Variants in USP38 observed in about 807,000 individuals in gnomAD.
USP38 encodes the protein ubiquitin specific peptidase 38.
Under a neutral mutation model 94.3 loss-of-function variants are expected in USP38, and 49 were observed. The observed-to-expected ratio is 0.52, with a 90% CI of 0.41 to 0.66. The LOEUF is 0.66. Among genes scored for constraint, USP38 ranks in the 30% least tolerant of loss-of-function variants. The pLI is 0.00. For missense variants in USP38, 1,128 were observed against 1,229.4 expected (o/e 0.92, Z 1.23); for synonymous variants, 468 against 463.6 (o/e 1.01, Z -0.12).
rs1313304208 is a variant in USP38 at position 143,186,015 on chromosome 4, C to T, written c.565C>T (p.Arg189Trp). 8.7e-6 allele frequency: 14 copies of T among 1,614,026 alleles called. No individual in the cohort carries two copies. The highest frequency in any genetic ancestry group is 1.7e-6 in the Non-Finnish European group (2 of 1,180,034). The change falls in exon 1 of 10, where the codon CGG becomes TGG. Residue 189 changes from arginine to tryptophan, a missense_variant. Coordinates refer to ENST00000307017, the MANE Select transcript of USP38 (RefSeq NM_032557.6). ...CGTGTCCACCCAGGAAAGAGAGCTG[C>T]GGGAATATGTCTCCCAGGTGACAAA... ...QCVSTQEREL[R>W]EYVSQVTKVS...
intron 2 of USP38, among the ~76,000 whole-genome samples, chr4:143,191,724 T>G (rs904551060): frequency 2.0e-5 from 3 of 152,256 alleles, no homozygotes; most frequent in Non-Finnish European, 2.9e-5. Flanking sequence ...TATGAGAGAT[T>G]ACTGCTCTCA....
chr4:143,195,750 C>T lies in USP38; in HGVS notation c.853C>T (p.His285Tyr), dbSNP rs1731527269. The T allele has an allele frequency of 6.2e-7, 1 of 1,611,794 alleles. No individual in the cohort carries two copies. The highest frequency in any genetic ancestry group is 1.7e-5 in the Admixed American group (1 of 59,508). Residue 285 changes from histidine to tyrosine, a missense_variant, in exon 3 of 10, where the codon CAT becomes TAT. Coordinates refer to ENST00000307017, the MANE Select transcript of USP38 (RefSeq NM_032557.6). Reference protein sequence around the residue: ...IDWLSWPLAQHVDTWVIALLK... With the variant: ...IDWLSWPLAQYVDTWVIALLK... ...CTGGCTATCCTGGCCATTGGCTCAG[C>T]ATGTGGATACATGGGTAATTGCACT...
chr4:143,187,531 TCAA>T (rs893817257), intron 1 of USP38, among the ~76,000 whole-genome samples: 10 of 152,200 alleles, frequency 6.6e-5, no homozygotes, highest in African/African-American at 2.2e-4. Flanking sequence ...ATATTTTAGC[TCAA>T]CAATAACTCG....
intron 2 of USP38, among the ~76,000 whole-genome samples, chr4:143,192,063 A>G (rs1009494696): frequency 3.9e-5 from 6 of 152,226 alleles, no homozygotes; most frequent in African/African-American, 1.2e-4. Context: ...TGCCAGTACT[A>G]TTATTTGATA....
At chr4:143,206,838 T>C (rs1359814617) in intron 6 of USP38, among the ~76,000 whole-genome samples, 1 of 152,126 alleles carries the variant, frequency 6.6e-6, no homozygotes, top group Non-Finnish European at 1.5e-5. Context: ...AACCTATACG[T>C]GTTTTGAGGG....
rs1408035068 is a variant in USP38 at position 143,222,408 on chromosome 4, G to T, written c.*1952G>T. ...AGCACAGTATTTGCATATAACCTGT[G>T]CACATCCTCCCATATACTTTAATCT... is the stretch of plus-strand genomic sequence containing the variant. On this transcript the variant is annotated 3_prime_UTR_variant, in exon 10 of 10. Coordinates refer to ENST00000307017, the MANE Select transcript of USP38 (RefSeq NM_032557.6). 6.6e-6 allele frequency: 1 copy of T among 151,958 alleles called. No homozygotes were observed. Among genetic ancestry groups the T allele is most frequent in the Non-Finnish European group, 1.5e-5 (1 of 67,932 alleles). The allele number at this position is 151,958 out of a possible 1,614,324, so 9.4% of individuals were successfully genotyped here.
rs757768671 is a variant in USP38, at chr4:143,213,799, A to G, written c.1823A>G (p.Gln608Arg). ...TGTTTGAACTGCAGGAGTACCTCAC[A>G]AAAAGTGGAAGCCTTTACAGATCTT... Reference protein sequence around the residue: ...IRCLNCRSTSQKVEAFTDLSL... With the variant: ...IRCLNCRSTSRKVEAFTDLSL... The change falls in exon 9 of 10, where the codon CAA (glutamine) becomes CGA (arginine). Residue 608 changes from glutamine (Q) to arginine (R), a missense_variant. Gln to Arg is a conservative substitution (Grantham distance 43). Coordinates refer to ENST00000307017, the MANE Select transcript of USP38 (RefSeq NM_032557.6). 6.2e-7 allele frequency: 1 copy of G among 1,613,794 alleles called. No homozygotes were observed. The highest frequency in any genetic ancestry group is 1.3e-5 in the African/African-American group (1 of 75,020).
intron 5 of USP38, 142 bp from the exon 6 acceptor site, chr4:143,205,891 C>A: frequency 1.8e-6 from 1 of 548,124 alleles, no homozygotes; most frequent in African/African-American, 1.9e-5. Flanking sequence ...TAGCCAAGTA[C>A]TGCCAGTTAC....
Position 143,185,181 on chromosome 4 carries a change from C to G in USP38, c.-270C>G, listed in dbSNP as rs1346024500. ...GCTGATGCTGAGTGGGATCGAGGGCCCGGGGCGGCGGCGGAGTACGGGCCT... is the reference window on the plus strand; with the variant it reads ...GCTGATGCTGAGTGGGATCGAGGGCGCGGGGCGGCGGCGGAGTACGGGCCT... On this transcript the variant is annotated 5_prime_UTR_variant, in exon 1 of 10. Transcript: ENST00000307017. 2.8e-6 allele frequency: 1 copy of G among 360,872 alleles called. No individual in the cohort carries two copies. The highest frequency in any genetic ancestry group is 5.1e-5 in the East Asian group (1 of 19,790). The allele number at this position is 360,872 out of a possible 1,614,324, so 22.4% of individuals were successfully genotyped here.
At chr4:143,211,183 T>C (rs1450834549) in intron 7 of USP38, among the ~76,000 whole-genome samples, 1 of 152,122 alleles carries the variant, frequency 6.6e-6, no homozygotes, top group Admixed American at 6.5e-5. Flanking sequence ...CCAAGAAAAG[T>C]AGAAATTTAA....
intron 3 of USP38, among the ~76,000 whole-genome samples, chr4:143,196,093 G>A (rs1383946793): frequency 6.6e-6 from 1 of 152,042 alleles, no homozygotes; most frequent in Admixed American, 6.5e-5. Context: ...ATCACTTGAG[G>A]CCAGGAGTTC....
Position 143,185,699 on chromosome 4 carries a change from C to A in USP38, c.249C>A (p.Thr83=). The part of the protein sequence containing the change: ...RPEFESFFNK[T]FVLGLLHQGY... ...AGTTCGAGTCCTTCTTCAACAAGAC[C>A]TTCGTGTTGGGCCTCCTTCATCAGG... The change falls in exon 1 of 10, where the codon ACC becomes ACA. Residue 83 remains threonine (T), a synonymous_variant. Coordinates refer to ENST00000307017, the MANE Select transcript of USP38 (RefSeq NM_032557.6). 6.2e-7 allele frequency: 1 copy of A among 1,614,162 alleles called. No individual in the cohort carries two copies. Among genetic ancestry groups the A allele is most frequent in the African/African-American group, 1.3e-5 (1 of 75,030 alleles).
Position 143,185,490 on chromosome 4 carries a change from C to T in USP38, c.40C>T (p.Pro14Ser), listed in dbSNP as rs1333718366. 2 of 1,605,986 alleles carry T rather than the reference C, an allele frequency of 1.2e-6. No homozygotes were observed. Among genetic ancestry groups the T allele is most frequent in the African/African-American group, 1.3e-5 (1 of 74,864 alleles). ...ILEGLVSSSH[P>S]LPLKRVIVRK... ...GGAGGGCCTTGTGAGTTCCTCGCAT[C>T]CCCTGCCCCTCAAGCGGGTGATTGT... The change falls in exon 1 of 10, where the codon CCC becomes TCC. Residue 14 changes from proline to serine, a missense_variant. Pro to Ser is a moderately conservative substitution (Grantham distance 74). Transcript: ENST00000307017.
intron 1 of USP38, among the ~76,000 whole-genome samples, 182 bp downstream of exon 1, chr4:143,186,314 T>C (rs1053937162): frequency 9.9e-5 from 15 of 152,206 alleles, no homozygotes; most frequent in Non-Finnish European, 1.3e-4. Context: ...CATCGTACTT[T>C]AAAAACAGGC....
intron 3 of USP38, among the ~76,000 whole-genome samples, 171 bp from the exon 4 acceptor site, chr4:143,197,652 C>T (rs145318222): frequency 4.6e-5 from 7 of 152,296 alleles, no homozygotes; most frequent in East Asian, 1.9e-4. Flanking sequence ...ATCTCTGTCA[C>T]GTTATTTCCT....
chr4:143,190,779 G>A (rs890027997), intron 2 of USP38, among the ~76,000 whole-genome samples: 2 of 152,026 alleles, frequency 1.3e-5, no homozygotes, highest in African/African-American at 2.4e-5. Flanking sequence ...TTTGCTAGCA[G>A]TGACTTACTT....
rs1271218170 is a variant in USP38, at chr4:143,222,235, G to C, written c.*1779G>C. The C allele has an allele frequency of 2.6e-5, 4 of 152,024 alleles. No homozygotes were observed. The highest frequency in any genetic ancestry group is 2.6e-4 in the Admixed American group (4 of 15,236). 9.4% of individuals were successfully genotyped at this position (152,024 alleles called of 1,614,324 possible). On this transcript the variant is annotated 3_prime_UTR_variant, in exon 10 of 10. Transcript: ENST00000307017. ...ATATCAGGTCTCTCAAGGATTTTAT[G>C]TATCAAGATAATATGTATTGACTTT...
intron 1 of USP38, 64 bp from the exon 2 acceptor site, chr4:143,187,756 AAAGTGT>A: frequency 1.4e-6 from 2 of 1,435,458 alleles, no homozygotes; most frequent in Admixed American, 5.4e-5. Flanking sequence ...TTTTTTTTGT[AAAGTGT>A]TGTTCTTTTT....
intron 3 of USP38, among the ~76,000 whole-genome samples, chr4:143,196,077 G>A (rs563305369): frequency 6.6e-6 from 1 of 152,036 alleles, no homozygotes; most frequent in Non-Finnish European, 1.5e-5. Context: ...AGGCTGAGGC[G>A]GGCAGATCAC....
Sources: allele counts gnomAD v4.1 joint callset (sites outside exome capture counted in the v4.1 genomes callset), GRCh38; gene constraint gnomAD v4.1.1; transcripts MANE v1.5; gene names NCBI Gene and HGNC (gene_info 2026-07-23, HGNC 2026-07-21).